Variants in PDZRN4 observed in about 807,000 individuals in gnomAD.
PDZRN4 encodes PDZ domain-containing RING finger protein 4.
In PDZRN4, 70 loss-of-function variants were observed where a neutral mutation model predicts 99.0. The ratio of observed to expected loss-of-function variants is 0.71; its 90% confidence interval spans 0.58 to 0.86. The LOEUF (loss-of-function observed/expected upper bound fraction) is 0.86. PDZRN4 is among the 40% of genes least tolerant of loss of function. PDZRN4 has a pLI of 0.00. For missense variants in PDZRN4, 1,474 were observed against 1,331.2 expected (o/e 1.11, Z -1.67); for synonymous variants, 551 against 501.6 (o/e 1.10, Z -1.32).
At chr12:41,391,666 G>A (rs1952212124) in intron 3 of PDZRN4, among the ~76,000 whole-genome samples, 2 of 152,146 alleles carry the variant, frequency 1.3e-5, no homozygotes, top group African/African-American at 4.8e-5. Context: ...AGGGAAAATG[G>A]AGTCTTTGAG....
intron 3 of PDZRN4, among the ~76,000 whole-genome samples, chr12:41,202,332 T>C (rs1412494820): frequency 6.6e-6 from 1 of 152,118 alleles, no homozygotes; most frequent in African/African-American, 2.4e-5. Context: ...TTAGGGAGGT[T>C]GTGCTTTCGT....
chr12:41,196,105 T>C (rs1171300762), intron 3 of PDZRN4, among the ~76,000 whole-genome samples: 1 of 152,140 alleles, frequency 6.6e-6, no homozygotes, highest in Non-Finnish European at 1.5e-5. Context: ...ACCTACTGTT[T>C]TTTTTAAAGA....
intron 3 of PDZRN4, among the ~76,000 whole-genome samples, chr12:41,363,542 C>CGG (rs1951977172): frequency 1.3e-5 from 2 of 151,942 alleles, no homozygotes; most frequent in Non-Finnish European, 2.9e-5. Flanking sequence ...GCATCTGTTC[C>CGG]AGATGCATCT....
At chr12:41,289,072 A>G (rs1489169945) in intron 3 of PDZRN4, among the ~76,000 whole-genome samples, 1 of 152,022 alleles carries the variant, frequency 6.6e-6, no homozygotes, top group Non-Finnish European at 1.5e-5. Context: ...TGGATATTTC[A>G]TTTTGGCATT....
intron 5 of PDZRN4, among the ~76,000 whole-genome samples, chr12:41,549,836 C>G (rs1473741445): frequency 6.6e-6 from 1 of 152,102 alleles, no homozygotes; most frequent in African/African-American, 2.4e-5. Flanking sequence ...AATGGCAAAT[C>G]TATAATACTC....
intron 3 of PDZRN4, among the ~76,000 whole-genome samples, chr12:41,433,614 A>G (rs1952603431): frequency 2.6e-5 from 4 of 152,236 alleles, no homozygotes; most frequent in Non-Finnish European, 1.5e-5. Context: ...GAGGGTAATC[A>G]AGCGGAGTTA....
At chr12:41,329,612 T>C (rs1000776397) in intron 3 of PDZRN4, among the ~76,000 whole-genome samples, 5 of 152,130 alleles carry the variant, frequency 3.3e-5, no homozygotes, top group Non-Finnish European at 7.4e-5. Context: ...TGTGTAGTAA[T>C]GTAATGTTAA....
chr12:41,550,555 T>A (rs534677791), intron 5 of PDZRN4, among the ~76,000 whole-genome samples: 2 of 152,314 alleles, frequency 1.3e-5, no homozygotes, highest in East Asian at 3.9e-4. Flanking sequence ...TGGTGCTAAA[T>A]CATTTCACTG....
In PDZRN4 at chr12:41,467,839, G is replaced by T. The variant is rs7968280; in HGVS notation, c.844-38617G>T. ...TAAAGTGAGAAATCACTTATTCCATGAATCATTCATAATTCATGGTGTATT... is the reference window on the plus strand; with the variant it reads ...TAAAGTGAGAAATCACTTATTCCATTAATCATTCATAATTCATGGTGTATT... On this transcript the variant is annotated intron_variant, in intron 3 of 9. Coordinates refer to ENST00000402685, the MANE Select transcript of PDZRN4 (RefSeq NM_001164595.2). 8.3e-3 allele frequency among the ~76,000 whole-genome samples: 1,270 copies of T among 152,280 alleles called. 44 individuals are homozygous for T. The East Asian group carries it at 0.13, about 15-fold the overall frequency.
intron 3 of PDZRN4, among the ~76,000 whole-genome samples, chr12:41,457,234 T>C (rs937269670): frequency 4.6e-5 from 7 of 152,182 alleles, no homozygotes; most frequent in African/African-American, 1.7e-4. Context: ...TTGGAGTATA[T>C]CATATCCTCC....
intron 3 of PDZRN4, among the ~76,000 whole-genome samples, chr12:41,329,032 T>G (rs1421308532): frequency 2.0e-5 from 3 of 152,148 alleles, no homozygotes; most frequent in Non-Finnish European, 4.4e-5. Context: ...GGTGATTGTC[T>G]TCTCTTTAGG....
intron 3 of PDZRN4, among the ~76,000 whole-genome samples, chr12:41,417,355 A>C (rs1467044858): frequency 6.6e-6 from 1 of 152,226 alleles, no homozygotes; most frequent in Admixed American, 6.5e-5. Flanking sequence ...GCACAAACTG[A>C]ATAGCATTAC....
intron 9 of PDZRN4, among the ~76,000 whole-genome samples, chr12:41,568,343 G>C (rs1939416026): frequency 6.6e-6 from 1 of 152,178 alleles, no homozygotes; most frequent in Admixed American, 6.5e-5. Flanking sequence ...TAAGCCATCA[G>C]TTTTATTTGC....
chr12:41,502,104 G>T (rs532863703), intron 3 of PDZRN4, among the ~76,000 whole-genome samples: 3 of 151,860 alleles, frequency 2.0e-5, no homozygotes, highest in South Asian at 4.1e-4. Flanking sequence ...ATAACCTCTC[G>T]TTGCATAATG....
Position 41,540,903 on chromosome 12 carries a change from C to T in PDZRN4, c.1204-11753C>T, listed in dbSNP as rs1218477374. On this transcript the variant is annotated intron_variant, in intron 5 of 9. Coordinates refer to ENST00000402685, the MANE Select transcript of PDZRN4 (RefSeq NM_001164595.2). ...TGTTGTTGTTGTTGTCCCTTTTCTT[C>T]GTTGTTGTTGTTGTTGTTGTTGTTG... is the stretch of plus-strand genomic sequence containing the variant. 6.0e-5 allele frequency among the ~76,000 whole-genome samples: 3 copies of T among 50,266 alleles called. No homozygotes were observed. In the South Asian group the frequency reaches 2.2e-3, roughly 36 times the overall value. 33.0% of individuals were successfully genotyped at this position (50,266 alleles called of 152,430 possible). A position where few individuals can be genotyped will look rare whatever the true frequency, so the allele number is the denominator to read the frequency against.
intron 3 of PDZRN4, among the ~76,000 whole-genome samples, chr12:41,359,861 G>C (rs1951952688): frequency 6.6e-6 from 1 of 151,944 alleles, no homozygotes; most frequent in African/African-American, 2.4e-5. Context: ...TTAACTGTTA[G>C]TCTGTCAGGT....
intron 3 of PDZRN4, among the ~76,000 whole-genome samples, chr12:41,285,688 C>T (rs976217239): frequency 6.6e-6 from 1 of 152,058 alleles, no homozygotes; most frequent in African/African-American, 2.4e-5. Flanking sequence ...AAAATGAGTT[C>T]ATGTCCTTTG....
At chr12:41,450,564 G>A (rs1358241196) in intron 3 of PDZRN4, among the ~76,000 whole-genome samples, 4 of 152,124 alleles carry the variant, frequency 2.6e-5, no homozygotes, top group African/African-American at 7.2e-5. Flanking sequence ...GCTTATGTTG[G>A]CCATTTTAAG....
chr12:41,414,870 C>T (rs892443047), intron 3 of PDZRN4, among the ~76,000 whole-genome samples: 1 of 152,066 alleles, frequency 6.6e-6, no homozygotes, highest in African/African-American at 2.4e-5. Context: ...CAAAGAGAAG[C>T]GTTCTTTATT....
Sources: gnomAD v4.1 joint callset for allele counts (sites outside exome capture counted in the v4.1 genomes callset) on GRCh38, gnomAD v4.1.1 for gene constraint, MANE v1.5 for transcripts, NCBI Gene and HGNC (gene_info 2026-07-23, HGNC 2026-07-21) for gene names.